Variants in SUSD2 observed in about 807,000 individuals in gnomAD.
The protein encoded by SUSD2 is sushi domain containing 2, also known as sushi domain-containing protein 2.
In SUSD2, 86 loss-of-function variants were observed where a neutral mutation model predicts 93.8. The ratio of observed to expected loss-of-function variants is 0.92; its 90% CI spans 0.77 to 1.10. The LOEUF (loss-of-function observed/expected upper bound fraction) is 1.10. Ranked by LOEUF, SUSD2 falls within the 50% of genes least tolerant of loss-of-function variation. The pLI, the probability that SUSD2 is intolerant of heterozygous loss-of-function variation, is 0.00. For missense variants in SUSD2, 1,060 were observed against 1,137.0 expected, an observed-to-expected ratio of 0.93 and a Z score of 0.97; for synonymous variants, 483 against 485.0, an observed-to-expected ratio of 1.00 and a Z score of 0.05.
rs1329207460 is a variant in SUSD2 at position 24,187,360 on chromosome 22, A to G, written c.1801A>G (p.Asn601Asp). The G allele has an allele frequency of 6.2e-7, 1 of 1,613,792 alleles. No homozygotes were observed. ...HTHGLLGTLNNDPTDDFTLHS... is the reference protein window; with the variant it reads ...HTHGLLGTLNDDPTDDFTLHS... Reference sequence around the variant, plus strand: ...CCACGGCCTCCTCGGGACACTCAACAACGACCCCACCGACGACTTCACCCT... The same window carrying G: ...CCACGGCCTCCTCGGGACACTCAACGACGACCCCACCGACGACTTCACCCT... Residue 601 changes from asparagine (N) to aspartate (D), a missense_variant, in exon 11 of 15, where the codon AAC becomes GAC. This residue lies in a region of SUSD2 where 973 missense variants were observed against 1,005.3 expected (regional missense o/e 0.97). Transcript: ENST00000358321.
At chr22:24,186,756 GC>G (rs2047368944) in intron 10 of SUSD2, 1 of 424,148 alleles carries the variant, frequency 2.4e-6, no homozygotes. Context: ...AAGGTCTCCA[GC>G]CCTGCACGGT....
rs1221376874 is a variant in SUSD2, at chr22:24,185,287, C to T, written c.976C>T (p.Arg326Cys). ...TLTQARADSG[R>C]FFTDYGCDME... is the part of the protein sequence containing the mutation. ...GACCCAGGCCCGGGCTGACTCCGGCCGCTTCTTCGTGAGCCTCCCATCAGG... is the reference window on the plus strand; with the variant it reads ...GACCCAGGCCCGGGCTGACTCCGGCTGCTTCTTCGTGAGCCTCCCATCAGG... The change falls in exon 6 of 15, where the codon CGC becomes TGC. Residue 326 changes from arginine (R) to cysteine (C), a missense_variant. Physicochemically the swap from Arg to Cys is radical, Grantham distance 180. Around this residue, in one of 2 missense-constraint regions of SUSD2, gnomAD observed 973 missense variants for 1,005.3 expected, o/e 0.97. Transcript: ENST00000358321. The T allele has an allele frequency of 2.2e-5, 35 of 1,603,494 alleles. No homozygotes were observed. The highest frequency in any genetic ancestry group is 3.3e-5 in the South Asian group (3 of 90,832).
rs374010010 is a variant in SUSD2, at chr22:24,186,294, C to T, written c.1521C>T (p.Ala507=). ...ETRGTGLTAV[A]VQEGNSDVVE... ...GTGGCACTGGGCTGACCGCAGTGGC[C>T]GTCCAGGAGGGCAACTCAGATGTGG... Residue 507 remains alanine (A), a synonymous_variant, in exon 10 of 15, where the codon GCC becomes GCT. Coordinates refer to ENST00000358321, the MANE Select transcript of SUSD2 (RefSeq NM_019601.4). 10 of 1,613,700 alleles carry T rather than the reference C, an allele frequency of 6.2e-6. No individual in the cohort carries two copies. In the Admixed American group the frequency reaches 1.0e-4, roughly 16 times the overall value.
chr22:24,188,880 G>A lies in SUSD2; in HGVS notation c.*444G>A, dbSNP rs370673334. On this transcript the variant is annotated 3_prime_UTR_variant, in exon 15 of 15. Coordinates refer to ENST00000358321, the MANE Select transcript of SUSD2 (RefSeq NM_019601.4). This position sits in a 1 kb window ranked among gnomAD's most constrained non-coding sequence, Gnocchi z 4.7. Reference sequence around the variant, plus strand: ...ATCTACGGAGGCCTGCTCCCGGACCGTGCGGGCACCAGTGCAGTGCTGCCT... The same window carrying A: ...ATCTACGGAGGCCTGCTCCCGGACCATGCGGGCACCAGTGCAGTGCTGCCT... The A allele has an allele frequency of 5.9e-6, 1 of 170,566 alleles. No individual in the cohort carries two copies. Among genetic ancestry groups the A allele is most frequent in the Non-Finnish European group, 1.3e-5 (1 of 78,956 alleles). 10.6% of individuals were successfully genotyped at this position (170,566 alleles called of 1,614,324 possible). A position where few individuals can be genotyped will look rare whatever the true frequency, so the allele number is the denominator to read the frequency against.
In SUSD2 at chr22:24,187,340, G is replaced by A. The variant is rs1569341072; in HGVS notation, c.1781G>A (p.Gly594Asp). The change falls in exon 11 of 15, where the codon GGC becomes GAC. Residue 594 changes from glycine (G) to aspartate (D), a missense_variant. Coordinates refer to ENST00000358321, the MANE Select transcript of SUSD2 (RefSeq NM_019601.4). ...GAGAAGTTCCTCACCCACACCCACG[G>A]CCTCCTCGGGACACTCAACAACGAC... ...LPEKFLTHTH[G>D]LLGTLNNDPT... is the part of the protein sequence containing the mutation. 1 of 1,614,072 alleles carries A rather than the reference G, an allele frequency of 6.2e-7. No individual in the cohort carries two copies. The highest frequency in any genetic ancestry group is 8.5e-7 in the Non-Finnish European group (1 of 1,180,012).
rs138482361 is a variant in SUSD2, at chr22:24,183,220, G to A, written c.240G>A (p.Val80=). 9.9e-6 allele frequency: 16 copies of A among 1,613,764 alleles called. No homozygotes were observed. The African/African-American group carries it at 1.7e-4, about 17-fold the overall frequency. Residue 80 remains valine (V), a synonymous_variant, in exon 2 of 15, where the codon GTG becomes GTA. Transcript: ENST00000358321. The part of the protein sequence containing the change: ...GSMMGGKDFV[V]RHFKMSSPTD... ...TGATGGGCGGCAAGGACTTTGTGGT[G>A]CGGCACTTCAAGATGTCCAGCCCCA...
intron 1 of SUSD2, 87 bp downstream of exon 1, chr22:24,181,682 T>A: frequency 9.7e-7 from 1 of 1,035,192 alleles, no homozygotes; most frequent in Non-Finnish European, 1.4e-6. Context: ...GGGCTCAGCC[T>A]CTGTCCATCT....
In SUSD2 at chr22:24,188,418, CTGGGG is replaced by C. The variant is rs1421743652; in HGVS notation, c.2454_2458del (p.Trp818CysfsTer11). 1 of 1,611,166 alleles carries C rather than the reference CTGGGG, an allele frequency of 6.2e-7. No individual in the cohort carries two copies. The highest frequency in any genetic ancestry group is 8.5e-7 in the Non-Finnish European group (1 of 1,179,848). ...AACTGCGTTTCTGTTGCAGGCACGT[CTGGGG>C]TGCACAGCCCTGATGGGAGCAGCTT... On this transcript the variant is annotated frameshift_variant, in exon 15 of 15. Coordinates refer to ENST00000358321, the MANE Select transcript of SUSD2 (RefSeq NM_019601.4). LOFTEE classifies it high-confidence loss of function. The surrounding 1 kb of genome is among the most constrained non-coding windows in gnomAD (Gnocchi z 4.7).
Position 24,183,190 on chromosome 22 carries a change from A to G in SUSD2, c.210A>G (p.Gly70=), listed in dbSNP as rs76831457. The G allele has an allele frequency of 4.3e-6, 6 of 1,384,714 alleles. No homozygotes were observed. The South Asian group carries it at 7.1e-5, about 16-fold the overall frequency. 85.8% of individuals were successfully genotyped at this position (1,384,714 alleles called of 1,614,324 possible). ...DFCLEILPYS[G]SMMGGKDFVV... The stretch of plus-strand genomic sequence containing the variant: ...GCCTGGAGATATTGCCCTACTCAGG[A>G]TCCATGATGGGCGGCAAGGACTTTG... Residue 70 remains glycine (G), a synonymous_variant, in exon 2 of 15, where the codon GGA becomes GGG. Coordinates refer to ENST00000358321, the MANE Select transcript of SUSD2 (RefSeq NM_019601.4).
rs753722513 is a variant in SUSD2, at chr22:24,185,565, A to G, written c.1064A>G (p.Gln355Arg). The change falls in exon 7 of 15, where the codon CAG (glutamine) becomes CGG (arginine). Residue 355 changes from glutamine (Q) to arginine (R), a missense_variant. Gln to Arg is a conservative substitution (Grantham distance 43). Coordinates refer to ENST00000358321, the MANE Select transcript of SUSD2 (RefSeq NM_019601.4). The part of the protein sequence containing the change: ...PGAVHCVRSV[Q>R]ASLRYGSGQQ... ...GCCGTGCACTGTGTGCGTTCTGTGC[A>G]GGCCAGGTGAGCCCCCAGGCTGGGG... is the stretch of plus-strand genomic sequence containing the variant. The G allele has an allele frequency of 1.9e-6, 3 of 1,590,996 alleles. No individual in the cohort carries two copies. Among genetic ancestry groups the G allele is most frequent in the South Asian group, 2.3e-5 (2 of 88,038 alleles).
intron 4 of SUSD2, 82 bp downstream of exon 4, chr22:24,184,385 G>A (rs1167620999): frequency 4.6e-5 from 66 of 1,440,312 alleles, no homozygotes; most frequent in Non-Finnish European, 5.2e-5. Context: ...TGTGTGGGAG[G>A]AGGAAGGGAG....
At chr22:24,181,723 A>G in intron 1 of SUSD2, 128 bp downstream of exon 1, 1 of 714,938 alleles carries the variant, frequency 1.4e-6, no homozygotes, top group Non-Finnish European at 2.2e-6. Flanking sequence ...GCTAGGGGTG[A>G]TGGGAAGAAA....
chr22:24,188,734 A>C lies in SUSD2; in HGVS notation c.*298A>C. The C allele has an allele frequency of 5.8e-6, 2 of 346,514 alleles. No homozygotes were observed. Among genetic ancestry groups the C allele is most frequent in the African/African-American group, 2.1e-5 (1 of 47,644 alleles). 21.5% of individuals were successfully genotyped at this position (346,514 alleles called of 1,614,324 possible). A position where few individuals can be genotyped will look rare whatever the true frequency, so the allele number is the denominator to read the frequency against. ...ATGTCCTGAGCCCTGACACTCCCAC[A>C]CCTGAGCCTCAGATTCCAATAGCTC... On this transcript the variant is annotated 3_prime_UTR_variant, in exon 15 of 15. Transcript: ENST00000358321. This position sits in a 1 kb window ranked among gnomAD's most constrained non-coding sequence, Gnocchi z 4.7.
Position 24,188,269 on chromosome 22 carries a change from GC to G in SUSD2, c.2387del (p.Ala796GlyfsTer109), listed in dbSNP as rs1470614995. 6.2e-7 allele frequency: 1 copy of G among 1,604,662 alleles called. No individual in the cohort carries two copies. The highest frequency in any genetic ancestry group is 8.5e-7 in the Non-Finnish European group (1 of 1,175,146). On this transcript the variant is annotated frameshift_variant, in exon 14 of 15. Coordinates refer to ENST00000358321, the MANE Select transcript of SUSD2 (RefSeq NM_019601.4). LOFTEE classifies it high-confidence loss of function. The surrounding 1 kb of genome is among the most constrained non-coding windows in gnomAD (Gnocchi z 4.7). ...VLLGIIFGGL[A>X]VVAAVALVYV... ...GTTGGGCATCATCTTTGGGGGCCTC[GC>G]GGTGGTGGCGGCGGTTGCGCTCGTC...
chr22:24,187,494 C>T, intron 11 of SUSD2, 44 bp downstream of exon 11: 1 of 1,606,428 alleles, frequency 6.2e-7, no homozygotes, highest in African/African-American at 1.3e-5. Flanking sequence ...GTGGGGGTTA[C>T]TGGAAACATG....
rs777560086 is a variant in SUSD2, at chr22:24,187,573, A to T, written c.1894A>T (p.Thr632Ser). Residue 632 changes from threonine to serine, a missense_variant and splice_region_variant, in exon 12 of 15, where the codon ACC becomes TCC. Thr to Ser is a moderately conservative substitution (Grantham distance 58, BLOSUM62 1). Transcript: ENST00000358321. ...QELFLFGANW[T>S]VHNASSLLTY... ...GGCCCCGGTCATGTATCTTCCAGGG[A>T]CCGTGCACAATGCGTCCTCCCTGCT... is the stretch of plus-strand genomic sequence containing the variant. The T allele has an allele frequency of 1.9e-6, 3 of 1,610,674 alleles. No homozygotes were observed. Among genetic ancestry groups the T allele is most frequent in the Non-Finnish European group, 2.5e-6 (3 of 1,177,732 alleles).
rs776583561 is a variant in SUSD2 at position 24,181,568 on chromosome 22, C to T, written c.49C>T (p.Leu17Phe). 7.5e-6 allele frequency: 12 copies of T among 1,600,368 alleles called. No homozygotes were observed. The highest frequency in any genetic ancestry group is 2.2e-5 in the South Asian group (2 of 88,920). ...GGCCCTGCTGCTGCTGGCGACAGCC[C>T]TCGGCCCGGGCCCCGGACCCACAGC... ...PWALLLLATA[L>F]GPGPGPTADA... Residue 17 changes from leucine to phenylalanine, a missense_variant, in exon 1 of 15, where the codon CTC becomes TTC. This residue lies in a region of SUSD2 where 87 missense variants were observed against 131.6 expected (regional missense o/e 0.66). Coordinates refer to ENST00000358321, the MANE Select transcript of SUSD2 (RefSeq NM_019601.4).
At chr22:24,182,896 C>A in intron 1 of SUSD2, 161 bp from the exon 2 acceptor site, 1 of 617,676 alleles carries the variant, frequency 1.6e-6, no homozygotes, top group South Asian at 2.0e-5. Flanking sequence ...GGCCCTGTGG[C>A]TTTCTACTGT....
intron 3 of SUSD2, chr22:24,183,898 C>T (rs974556089): frequency 1.1e-5 from 7 of 648,386 alleles, no homozygotes; most frequent in South Asian, 2.0e-5. Context: ...CACTGAGCTC[C>T]GCCATGCCAG....
Sources: gnomAD v4.1 joint callset for allele counts on GRCh38, gnomAD v4.1.1 for gene constraint, gnomAD v4.1.1 regional missense constraint, Gnocchi (gnomAD v3.1) non-coding constraint, MANE v1.5 for transcripts, NCBI Gene and HGNC (gene_info 2026-07-23, HGNC 2026-07-21) for gene names.